NBAS: variants seen among roughly 807,000 people sequenced by gnomAD.
The protein encoded by NBAS is NBAS subunit of NRZ tethering complex, also known as NAG/BC035112 fusion.
A neutral mutation model predicts 302.5 loss-of-function variants in NBAS; 219 were observed. The ratio of observed to expected loss-of-function variants is 0.72; its 90% CI spans 0.65 to 0.81. The LOEUF (loss-of-function observed/expected upper bound fraction) is 0.81, where lower values mean the gene tolerates loss of function less well. NBAS is among the 30% of genes least tolerant of loss of function. The pLI, the probability that NBAS is intolerant of heterozygous loss-of-function variation, is 0.00. For synonymous variants in NBAS, 1,118 were observed against 1,021.6 expected (o/e 1.09, Z -1.80); for missense variants, 2,932 against 2,841.6 (o/e 1.03, Z -0.72).
Position 15,353,550 on chromosome 2 carries a change from T to G in NBAS, c.4089+3A>C. On this transcript the variant is annotated splice_donor_region_variant and intron_variant, in intron 34 of 51. Transcript: ENST00000281513. ...TTAGGATTTCCTTTATCGAAGGACT[T>G]ACTTCTGTCTGCAGAGAGCTGCTAG... The G allele has an allele frequency of 6.2e-7, 1 of 1,614,004 alleles. No homozygotes were observed. The highest frequency in any genetic ancestry group is 1.1e-5 in the South Asian group (1 of 91,082).
chr2:15,111,593 A>T, the NBAS span, among the ~76,000 whole-genome samples: 5 of 152,112 alleles, frequency 3.3e-5, no homozygotes, highest in Admixed American at 3.3e-4. Flanking sequence ...TGCCCTCTAC[A>T]TAAAGCAGTC....
chr2:15,308,107 T>C, intron 40 of NBAS, 109 bp downstream of exon 40: 4 of 1,530,868 alleles, frequency 2.6e-6, no homozygotes, highest in Non-Finnish European at 3.6e-6. Flanking sequence ...TTGGAATACA[T>C]TCTGGATACA....
At position 15,276,857 on chromosome 2, in the gene NBAS, C is replaced by A. The variant is rs1558496266; in HGVS notation, c.5383G>T (p.Ala1795Ser). The A allele has an allele frequency of 6.2e-7, 1 of 1,613,984 alleles. No individual in the cohort carries two copies. Among genetic ancestry groups the A allele is most frequent in the Non-Finnish European group, 8.5e-7 (1 of 1,179,926 alleles). ...AGGGAAACAACCATCCTACCTGATGCAACAACCTTAAACTTCTTCAGCAGT... is the reference window on the plus strand; with the variant it reads ...AGGGAAACAACCATCCTACCTGATGAAACAACCTTAAACTTCTTCAGCAGT... Reference protein sequence around the residue: ...IRLLKKFKVVASGLNYKKLTD... With the variant: ...IRLLKKFKVVSSGLNYKKLTD... The change falls in exon 43 of 52, where the codon GCA (alanine) becomes TCA (serine). Residue 1795 changes from alanine to serine, a missense_variant. Ala to Ser is a moderately conservative substitution (Grantham distance 99). Transcript: ENST00000281513.
At chr2:15,523,309 T>C (rs1472837418) in intron 9 of NBAS, among the ~76,000 whole-genome samples, 1 of 152,148 alleles carries the variant, frequency 6.6e-6, no homozygotes, top group Non-Finnish European at 1.5e-5. Flanking sequence ...GTGGATTCAA[T>C]CAACCACAGA....
At position 15,335,301 on chromosome 2, in the gene NBAS, G is replaced by T. The variant is rs888679245; in HGVS notation, c.4180-4536C>A. On this transcript the variant is annotated intron_variant, in intron 35 of 51. Transcript: ENST00000281513. Reference sequence around the variant, plus strand: ...GCATTTGGGTAGTCCCCAGATTGAAGATAATACCAATAGTGCTGCCCTGAC... The same window carrying T: ...GCATTTGGGTAGTCCCCAGATTGAATATAATACCAATAGTGCTGCCCTGAC... 3.3e-5 allele frequency among the ~76,000 whole-genome samples: 5 copies of T among 151,920 alleles called. No individual in the cohort carries two copies. In the South Asian group the frequency reaches 1.0e-3, roughly 32 times the overall value.
chr2:15,412,401 A>G (rs558717582), intron 25 of NBAS, among the ~76,000 whole-genome samples: 1 of 152,292 alleles, frequency 6.6e-6, no homozygotes, highest in East Asian at 1.9e-4. Context: ...TGAATAAGAC[A>G]TGGGACACAG....
chr2:15,142,977 T>A, the NBAS span, among the ~76,000 whole-genome samples: 1 of 152,234 alleles, frequency 6.6e-6, no homozygotes, highest in Non-Finnish European at 1.5e-5. Context: ...CAAGTCATTT[T>A]GGAACACTAG....
chr2:15,272,156 G>T (rs181620141), intron 44 of NBAS, among the ~76,000 whole-genome samples: 2 of 152,194 alleles, frequency 1.3e-5, no homozygotes, highest in Non-Finnish European at 1.5e-5. Context: ...CAGTGGATTG[G>T]GCACTCAGTT....
the NBAS span, among the ~76,000 whole-genome samples, chr2:15,061,669 C>T: frequency 0.49 from 74,418 of 151,548 alleles, 20,511 homozygotes; most frequent in African/African-American, 0.77. Flanking sequence ...CAGCTGGCTT[C>T]GCCCAGGACC....
intron 44 of NBAS, among the ~76,000 whole-genome samples, chr2:15,255,706 T>C (rs1292175698): frequency 6.6e-6 from 1 of 152,208 alleles, no homozygotes; most frequent in Non-Finnish European, 1.5e-5. Context: ...CCTTGAACCA[T>C]CTTGAGTTAA....
chr2:15,517,194 T>C (rs1262522947), intron 9 of NBAS, among the ~76,000 whole-genome samples: 1 of 152,192 alleles, frequency 6.6e-6, no homozygotes, highest in Non-Finnish European at 1.5e-5. Flanking sequence ...AGGGTTTTTA[T>C]ATAGGTAAAT....
the NBAS span, among the ~76,000 whole-genome samples, chr2:15,022,644 A>T: frequency 0.012 from 1,888 of 152,238 alleles, 42 homozygotes; most frequent in African/African-American, 0.044. Context: ...ATATCCAATC[A>T]ATCAGAAGAT....
the NBAS span, among the ~76,000 whole-genome samples, chr2:15,054,474 C>T: frequency 0.49 from 75,122 of 152,064 alleles, 20,862 homozygotes; most frequent in African/African-American, 0.77. Context: ...GTGTAGGATT[C>T]TTCTCATGCC....
intron 10 of NBAS, among the ~76,000 whole-genome samples, chr2:15,506,825 C>G (rs528486432): frequency 6.6e-6 from 1 of 152,170 alleles, no homozygotes; most frequent in Admixed American, 6.5e-5. Flanking sequence ...GCAGAATAAG[C>G]TGATTTTTGT....
intron 44 of NBAS, among the ~76,000 whole-genome samples, chr2:15,246,863 G>A (rs1173495566): frequency 1.3e-5 from 2 of 152,170 alleles, no homozygotes; most frequent in Non-Finnish European, 2.9e-5. Context: ...AAGTCTAGTT[G>A]TAAATACGGA....
chr2:15,468,643 G>T, intron 16 of NBAS, 110 bp from the exon 17 acceptor site: 1 of 1,308,556 alleles, frequency 7.6e-7, no homozygotes, highest in East Asian at 2.4e-5. Flanking sequence ...CAGCTATTTA[G>T]GACCTTGGCC....
At chr2:14,802,032 T>C in the NBAS span, among the ~76,000 whole-genome samples, 62 of 147,546 alleles carry the variant, frequency 4.2e-4, no homozygotes, top group African/African-American at 1.5e-3. Context: ...TTTAATTAGA[T>C]CCCATTTGTC....
chr2:14,877,944 C>A, the NBAS span, among the ~76,000 whole-genome samples: 5 of 152,164 alleles, frequency 3.3e-5, no homozygotes, highest in Non-Finnish European at 5.9e-5. Flanking sequence ...CAACAGCCAT[C>A]AGATTCCATT....
intron 48 of NBAS, among the ~76,000 whole-genome samples, chr2:15,204,589 G>A (rs1217524428): frequency 6.6e-6 from 1 of 152,136 alleles, no homozygotes; most frequent in Non-Finnish European, 1.5e-5. Flanking sequence ...ATTCACAATA[G>A]CAAAGACTAG....
Sources: gnomAD v4.1 joint callset for allele counts (sites outside exome capture counted in the v4.1 genomes callset) on GRCh38, gnomAD v4.1.1 for gene constraint, MANE v1.5 for transcripts, NCBI Gene and HGNC (gene_info 2026-07-23, HGNC 2026-07-21) for gene names.